Variants in HIP1 observed in about 807,000 individuals in gnomAD.
The protein encoded by HIP1 is huntingtin-interacting protein 1.
HIP1 carries 65 observed loss-of-function variants against 147.6 expected under a neutral mutation model. That is an observed-to-expected ratio of 0.44 (90% CI 0.36 to 0.54). The LOEUF (loss-of-function observed/expected upper bound fraction) is 0.54. Ranked by LOEUF, HIP1 falls within the 20% of genes least tolerant of loss-of-function variation. HIP1 has a pLI of 0.00. For missense variants in HIP1, 1,061 were observed against 1,299.6 expected, an observed-to-expected ratio of 0.82 and a Z score of 2.82; for synonymous variants, 479 against 504.0, an observed-to-expected ratio of 0.95 and a Z score of 0.67.
rs554979266 is a variant in HIP1 at position 75,650,208 on chromosome 7, A to G, written c.121-50961T>C. Among the ~76,000 whole-genome samples the G allele has an allele frequency of 3.9e-5, 6 of 152,258 alleles. No individual in the cohort carries two copies. In the South Asian group the frequency reaches 1.0e-3, roughly 26 times the overall value. On this transcript the variant is annotated intron_variant, in intron 1 of 30. Transcript: ENST00000336926. ...AGGGGTCAGAGGGCCTTTTAGAGGCACCAGGACAGACGGGAGCCACTCAGC... is the reference window on the plus strand; with the variant it reads ...AGGGGTCAGAGGGCCTTTTAGAGGCGCCAGGACAGACGGGAGCCACTCAGC...
intron 1 of HIP1, among the ~76,000 whole-genome samples, chr7:75,699,584 C>T (rs900473813): frequency 3.3e-5 from 5 of 152,174 alleles, no homozygotes; most frequent in Non-Finnish European, 2.9e-5. Context: ...ACGGGCCAAA[C>T]AAAATGGGCC....
chr7:75,639,500 C>A (rs1798568662), intron 1 of HIP1, among the ~76,000 whole-genome samples: 1 of 151,658 alleles, frequency 6.6e-6, no homozygotes, highest in South Asian at 2.1e-4. Context: ...GGCTTCTCCC[C>A]AGAGTTCCCG....
intron 1 of HIP1, among the ~76,000 whole-genome samples, chr7:75,633,403 C>T (rs1183215506): frequency 6.6e-6 from 1 of 152,094 alleles, no homozygotes; most frequent in Non-Finnish European, 1.5e-5. Flanking sequence ...AGCAATTCTC[C>T]TGCCTCAGCC....
chr7:75,694,478 C>CTT (rs1233229532), intron 1 of HIP1, among the ~76,000 whole-genome samples: 1 of 149,000 alleles, frequency 6.7e-6, no homozygotes, highest in African/African-American at 2.5e-5. Context: ...TTGATTCTTT[C>CTT]TTTTTTTCTT....
intron 1 of HIP1, among the ~76,000 whole-genome samples, chr7:75,641,496 T>G (rs1798655220): frequency 7.4e-6 from 1 of 135,814 alleles, no homozygotes. Context: ...TTGTTTGCTT[T>G]TTTTTTTTCT....
chr7:75,650,383 A>T lies in HIP1; in HGVS notation c.121-51136T>A, dbSNP rs146387440. ...CCAGTTCAGGAGCTGCCAGCCTTGT[A>T]CTGGGGAGAGGTTTTTCCACTGCTT... On this transcript the variant is annotated intron_variant, in intron 1 of 30. Coordinates refer to ENST00000336926, the MANE Select transcript of HIP1 (RefSeq NM_005338.7). Among the ~76,000 whole-genome samples the T allele has an allele frequency of 9.0e-3, 1,355 of 151,306 alleles. 22 individuals carry two copies. Among genetic ancestry groups the T allele is most frequent in the African/African-American group, 0.031 (1,279 of 41,182 alleles).
At chr7:75,725,711 T>C (rs1369796684) in intron 1 of HIP1, among the ~76,000 whole-genome samples, 4 of 152,222 alleles carry the variant, frequency 2.6e-5, no homozygotes, top group Admixed American at 6.6e-5. Flanking sequence ...AAGACTATAT[T>C]ATGTATACAT....
intron 1 of HIP1, among the ~76,000 whole-genome samples, chr7:75,671,123 C>T (rs949407603): frequency 9.9e-5 from 15 of 151,954 alleles, no homozygotes; most frequent in African/African-American, 3.4e-4. Flanking sequence ...GATGGAGTTT[C>T]GCTCTTGTTG....
At chr7:75,577,905 CAGG>C (rs1483236522) in intron 7 of HIP1, among the ~76,000 whole-genome samples, 1 of 152,134 alleles carries the variant, frequency 6.6e-6, no homozygotes, top group Non-Finnish European at 1.5e-5. Flanking sequence ...GAGGCTGAGA[CAGG>C]AGAATTGCTT....
At chr7:75,556,249 C>A in intron 17 of HIP1, 80 bp from the exon 18 acceptor site, 2 of 1,521,314 alleles carry the variant, frequency 1.3e-6, no homozygotes, top group South Asian at 2.4e-5. Flanking sequence ...CAACCCACCA[C>A]CGGGTTGCAA....
At chr7:75,593,629 C>CAAAAAAA (rs34062007) in intron 2 of HIP1, among the ~76,000 whole-genome samples, 9 of 72,254 alleles carry the variant, frequency 1.2e-4, no homozygotes, top group Non-Finnish European at 2.1e-4. Context: ...GACTCCATCT[C>CAAAAAAA]AAAAAAAAAA....
At chr7:75,597,938 A>T (rs73139382) in intron 2 of HIP1, among the ~76,000 whole-genome samples, 1 of 151,930 alleles carries the variant, frequency 6.6e-6, no homozygotes, top group Non-Finnish European at 1.5e-5. Context: ...ATGGTCCTGC[A>T]CCTCTCTACA....
intron 1 of HIP1, among the ~76,000 whole-genome samples, chr7:75,669,586 A>AAAAG (rs1554515050): frequency 6.6e-6 from 1 of 150,706 alleles, no homozygotes; most frequent in Admixed American, 6.6e-5. Context: ...AAACAAAACA[A>AAAAG]GAAACACCAT....
intron 20 of HIP1, 68 bp from the exon 21 acceptor site, chr7:75,554,288 C>T (rs1315283408): frequency 1.4e-5 from 19 of 1,404,628 alleles, no homozygotes; most frequent in South Asian, 3.6e-5. Flanking sequence ...CCTCTCCTCC[C>T]GTTTTATGAG....
chr7:75,589,774 A>G (rs1796427673), intron 4 of HIP1, among the ~76,000 whole-genome samples: 1 of 139,586 alleles, frequency 7.2e-6, no homozygotes, highest in South Asian at 2.4e-4. Flanking sequence ...TCTGTCACCT[A>G]GGCTGGAGTG....
chr7:75,712,095 T>C (rs1801179695), intron 1 of HIP1, among the ~76,000 whole-genome samples: 1 of 152,226 alleles, frequency 6.6e-6, no homozygotes, highest in Non-Finnish European at 1.5e-5. Flanking sequence ...CTGGTGATTC[T>C]ATAATTAAAA....
chr7:75,681,379 A>C (rs1800061540), intron 1 of HIP1, among the ~76,000 whole-genome samples: 1 of 150,332 alleles, frequency 6.7e-6, no homozygotes, highest in South Asian at 2.1e-4. Context: ...GCTCTTCTTG[A>C]CCTCCTCTAC....
At chr7:75,554,621 GGT>G in intron 19 of HIP1, 95 bp from the exon 20 acceptor site, 3 of 840,620 alleles carry the variant, frequency 3.6e-6, no homozygotes, top group South Asian at 1.4e-5. Flanking sequence ...TTACCTAGTG[GGT>G]AAGCTTCCTG....
At chr7:75,725,977 T>A (rs1004186267) in intron 1 of HIP1, among the ~76,000 whole-genome samples, 1 of 151,928 alleles carries the variant, frequency 6.6e-6, no homozygotes, top group Non-Finnish European at 1.5e-5. Context: ...TGTACCACCA[T>A]GCCCAGTTTT....
Sources: gnomAD v4.1 joint callset for allele counts (sites outside exome capture counted in the v4.1 genomes callset) on GRCh38, gnomAD v4.1.1 for gene constraint, MANE v1.5 for transcripts, NCBI Gene and HGNC (gene_info 2026-07-23, HGNC 2026-07-21) for gene names.